The following DECR1 variants were observed in gnomAD, a reference collection of about 807,000 sequenced individuals.
The protein encoded by DECR1 is 2,4-dienoyl-CoA reductase 1, also known as 2,4-dienoyl-CoA reductase [(3E)-enoyl-CoA-producing], mitochondrial.
Under a neutral mutation model 38.8 loss-of-function variants are expected in DECR1, and 44 were observed. The ratio of observed to expected loss-of-function variants is 1.13; its 90% CI spans 0.89 to 1.46. DECR1 has a LOEUF of 1.46. DECR1 is among the 40% of genes most tolerant of loss of function. DECR1 has a pLI of 0.00. For synonymous variants in DECR1, 148 were observed against 135.2 expected (o/e 1.09, Z -0.66); for missense variants, 428 against 405.5 (o/e 1.06, Z -0.48).
At chr8:90,031,656 C>G (rs1813498437) in intron 5 of DECR1, among the ~76,000 whole-genome samples, 1 of 151,986 alleles carries the variant, frequency 6.6e-6, no homozygotes, top group Non-Finnish European at 1.5e-5. Context: ...GGCTCGGAGA[C>G]AGGTATCCTC....
At chr8:90,040,584 C>T (rs867279436) in intron 6 of DECR1, among the ~76,000 whole-genome samples, 3 of 152,284 alleles carry the variant, frequency 2.0e-5, no homozygotes, top group Middle Eastern at 3.4e-3. Context: ...ACCAACCCGT[C>T]ATTTACATTA....
intron 8 of DECR1, among the ~76,000 whole-genome samples, chr8:90,051,215 C>T (rs1002580179): frequency 6.6e-6 from 1 of 151,430 alleles, no homozygotes; most frequent in Non-Finnish European, 1.5e-5. Flanking sequence ...ATTCACTCTT[C>T]TGCATGTCTG....
chr8:90,024,707 G>C (rs1305713067), intron 5 of DECR1, among the ~76,000 whole-genome samples: 5 of 152,170 alleles, frequency 3.3e-5, no homozygotes, highest in Non-Finnish European at 7.3e-5. Flanking sequence ...TTGCTGTGCA[G>C]AAGCTCTTTA....
chr8:90,003,535 C>T (rs1812667413), intron 1 of DECR1, among the ~76,000 whole-genome samples: 1 of 152,196 alleles, frequency 6.6e-6, no homozygotes, highest in South Asian at 2.1e-4. Flanking sequence ...TGAGGAAACA[C>T]TAATTAATTA....
chr8:90,019,168 C>G lies in DECR1; in HGVS notation c.413C>G (p.Pro138Arg). ...GAACTGATCAAAGTTGCAGGACATCCTAATGTAAGTGTAGCAATGATGAAG... is the reference window on the plus strand; with the variant it reads ...GAACTGATCAAAGTTGCAGGACATCGTAATGTAAGTGTAGCAATGATGAAG... ...VSELIKVAGH[P>R]NIVINNAAGN... Residue 138 changes from proline (P) to arginine (R), a missense_variant, in exon 4 of 10, where the codon CCT becomes CGT. Pro to Arg is a moderately radical substitution (Grantham distance 103). Transcript: ENST00000220764. 1 of 1,613,572 alleles carries G rather than the reference C, an allele frequency of 6.2e-7. No homozygotes were observed. The highest frequency in any genetic ancestry group is 8.5e-7 in the Non-Finnish European group (1 of 1,179,542).
chr8:90,017,376 C>A, intron 2 of DECR1, 50 bp downstream of exon 2: 1 of 1,484,466 alleles, frequency 6.7e-7, no homozygotes, highest in Non-Finnish European at 9.3e-7. Context: ...AGAAACTGTT[C>A]TGTGCCATAG....
chr8:90,005,987 C>T, intron 1 of DECR1: 5 of 539,730 alleles, frequency 9.3e-6, no homozygotes, highest in South Asian at 7.2e-5. Flanking sequence ...TCTTTCACAA[C>T]CTGCTTTAGT....
chr8:90,002,901 G>T (rs73696853), intron 1 of DECR1, among the ~76,000 whole-genome samples: 3,391 of 152,196 alleles, frequency 0.022, 120 homozygotes, highest in African/African-American at 0.077. Context: ...TGTCTTCAGA[G>T]ATTTCATTTT....
At chr8:90,015,869 T>A (rs1586141027) in intron 1 of DECR1, among the ~76,000 whole-genome samples, 2 of 152,228 alleles carry the variant, frequency 1.3e-5, no homozygotes, top group South Asian at 4.1e-4. Context: ...ATATATATAT[T>A]TTTTATCACT....
chr8:90,025,957 T>G (rs1226192942), intron 5 of DECR1, among the ~76,000 whole-genome samples: 1 of 152,232 alleles, frequency 6.6e-6, no homozygotes, highest in Non-Finnish European at 1.5e-5. Context: ...GTCGAAGGCC[T>G]TTTCTGCATC....
intron 5 of DECR1, among the ~76,000 whole-genome samples, chr8:90,036,174 T>G (rs1418291884): frequency 6.6e-6 from 1 of 152,176 alleles, no homozygotes; most frequent in East Asian, 1.9e-4. Flanking sequence ...ACTTTCCTCC[T>G]TGGAGGAACT....
intron 1 of DECR1, among the ~76,000 whole-genome samples, chr8:90,004,905 A>G (rs1402990367): frequency 1.3e-5 from 2 of 152,220 alleles, no homozygotes; most frequent in African/African-American, 2.4e-5. Flanking sequence ...AATCTGAAAA[A>G]TGATAGTCTA....
intron 7 of DECR1, among the ~76,000 whole-genome samples, chr8:90,044,503 G>C (rs999151345): frequency 6.6e-6 from 1 of 152,136 alleles, no homozygotes; most frequent in Non-Finnish European, 1.5e-5. Flanking sequence ...ACTTTTCTGT[G>C]TTTATTAAAT....
In DECR1 at chr8:90,044,923, G is replaced by A. The variant is rs375878524; in HGVS notation, c.813G>A (p.Leu271=). 26 of 1,613,394 alleles carry A rather than the reference G, an allele frequency of 1.6e-5. No homozygotes were observed. The highest frequency in any genetic ancestry group is 2.1e-5 in the Non-Finnish European group (25 of 1,179,642). The change falls in exon 8 of 10, where the codon CTG becomes CTA. Residue 271 remains leucine, a synonymous_variant. Coordinates refer to ENST00000220764, the MANE Select transcript of DECR1 (RefSeq NM_001359.2). The part of the protein sequence containing the change: ...EMIGRIPCGR[L]GTVEELANLA... Reference sequence around the variant, plus strand: ...TTGGCAGAATTCCCTGTGGTCGCCTGGGGACTGTAGAAGAACTCGCAAATC... The same window carrying A: ...TTGGCAGAATTCCCTGTGGTCGCCTAGGGACTGTAGAAGAACTCGCAAATC...
At chr8:90,047,974 C>T (rs1188138481) in intron 8 of DECR1, among the ~76,000 whole-genome samples, 3 of 152,222 alleles carry the variant, frequency 2.0e-5, no homozygotes, top group Non-Finnish European at 4.4e-5. Context: ...TAAAGATGTT[C>T]TTTGAAGCCA....
chr8:90,032,795 T>A (rs946933397), intron 5 of DECR1, among the ~76,000 whole-genome samples: 1 of 152,166 alleles, frequency 6.6e-6, no homozygotes, highest in African/African-American at 2.4e-5. Flanking sequence ...TCTGTGAAAC[T>A]AGGGGGCTGG....
intron 5 of DECR1, among the ~76,000 whole-genome samples, chr8:90,026,304 G>T (rs780779912): frequency 6.6e-6 from 1 of 152,176 alleles, no homozygotes; most frequent in Non-Finnish European, 1.5e-5. Context: ...AATGGTACCA[G>T]CTCCTCTTTG....
chr8:90,013,598 G>A (rs1812939986), intron 1 of DECR1, among the ~76,000 whole-genome samples: 1 of 151,964 alleles, frequency 6.6e-6, no homozygotes, highest in South Asian at 2.1e-4. Flanking sequence ...AGTCGTAGTT[G>A]TACTTAATCA....
At chr8:90,047,814 C>T (rs1046319667) in intron 8 of DECR1, among the ~76,000 whole-genome samples, 8 of 152,178 alleles carry the variant, frequency 5.3e-5, no homozygotes, top group Admixed American at 2.6e-4. Context: ...TGTAAAAGAA[C>T]AGAAATTATA....
Sources: allele counts gnomAD v4.1 joint callset (sites outside exome capture counted in the v4.1 genomes callset), GRCh38; gene constraint gnomAD v4.1.1; transcripts MANE v1.5; gene names NCBI Gene and HGNC (gene_info 2026-07-23, HGNC 2026-07-21).